The following COL11A1 variants were observed in gnomAD, a reference collection of about 807,000 sequenced individuals.
COL11A1 encodes the protein collagen type XI alpha 1 chain, also known as collagen alpha-1(XI) chain.
In COL11A1, 74 loss-of-function variants were observed where a neutral mutation model predicts 265.2. The ratio of observed to expected loss-of-function variants is 0.28; its 90% confidence interval spans 0.23 to 0.34. COL11A1 has a LOEUF of 0.34. COL11A1 is among the 10% of genes least tolerant of loss of function. COL11A1 has a pLI of 1.00. For missense variants in COL11A1, 2,165 were observed against 2,263.6 expected (o/e 0.96, Z 0.88); for synonymous variants, 816 against 727.6 (o/e 1.12, Z -1.96).
Position 102,879,680 on chromosome 1 carries a change from C to T in COL11A1, c.5274+3G>A, listed in dbSNP as rs755071989. On this transcript the variant is annotated splice_donor_region_variant and intron_variant, in intron 66 of 66. Transcript: ENST00000370096. ...AAGGGAGACAAGCAGAACTTATACT[C>T]ACCGCACAACCATCATACAGTGTTT... is the stretch of plus-strand genomic sequence containing the variant. 1 of 1,612,054 alleles carries T rather than the reference C, an allele frequency of 6.2e-7. No individual in the cohort carries two copies. The highest frequency in any genetic ancestry group is 1.1e-5 in the South Asian group (1 of 91,002).
At chr1:103,034,001 C>T (rs1165446033) in intron 4 of COL11A1, among the ~76,000 whole-genome samples, 2 of 151,982 alleles carry the variant, frequency 1.3e-5, no homozygotes, top group Non-Finnish European at 2.9e-5. Context: ...TTCCCCCTAC[C>T]CCCCAGAACT....
intron 46 of COL11A1, among the ~76,000 whole-genome samples, chr1:102,933,944 C>T (rs142857792): frequency 0.016 from 2,381 of 152,308 alleles, 74 homozygotes; most frequent in African/African-American, 0.055. Context: ...GGCCCTGCTT[C>T]GGCTCGCACA....
chr1:103,003,163 G>A, intron 21 of COL11A1, 52 bp downstream of exon 21: 1 of 1,593,436 alleles, frequency 6.3e-7, no homozygotes, highest in Non-Finnish European at 8.6e-7. Context: ...CCTCTAAAAG[G>A]TTGGCAACAA....
At position 102,958,633 on chromosome 1, in the gene COL11A1, C is replaced by T. The variant is rs561936263; in HGVS notation, c.3168+3233G>A. 1.7e-3 allele frequency among the ~76,000 whole-genome samples: 259 copies of T among 152,152 alleles called. 1 individual carries two copies. The highest frequency in any genetic ancestry group is 0.01 in the Middle Eastern group (3 of 294). ...AACTAATAAATGTGTATGGTGTCTT[C>T]CTTTTAGTGAATCCTTTTCCAACAA... On this transcript the variant is annotated intron_variant, in intron 41 of 66. Transcript: ENST00000370096.
intron 4 of COL11A1, among the ~76,000 whole-genome samples, chr1:103,049,701 T>C (rs945280689): frequency 2.0e-5 from 3 of 152,240 alleles, no homozygotes; most frequent in African/African-American, 7.2e-5. Context: ...GCCTTGATGG[T>C]CTTTACAATT....
chr1:102,946,735 A>T, intron 42 of COL11A1, 114 bp downstream of exon 42: 1 of 836,762 alleles, frequency 1.2e-6, no homozygotes, highest in Non-Finnish European at 2.0e-6. Context: ...TTTACATGCC[A>T]GACACATATG....
At chr1:102,922,976 ATGC>A (rs1656166605) in intron 47 of COL11A1, among the ~76,000 whole-genome samples, 1 of 152,200 alleles carries the variant, frequency 6.6e-6, no homozygotes, top group Non-Finnish European at 1.5e-5. Context: ...AAACAATTAT[ATGC>A]ATTTCAAATT....
At chr1:102,892,682 A>G (rs186386797) in intron 57 of COL11A1, among the ~76,000 whole-genome samples, 36 of 152,340 alleles carry the variant, frequency 2.4e-4, no homozygotes, top group Non-Finnish European at 4.9e-4. Flanking sequence ...GAGCAAGAAT[A>G]GTGTTAATAT....
At chr1:103,092,755 T>G (rs1023582572) in intron 1 of COL11A1, among the ~76,000 whole-genome samples, 1 of 152,112 alleles carries the variant, frequency 6.6e-6, no homozygotes, top group African/African-American at 2.4e-5. Flanking sequence ...TTTCATCACA[T>G]TTAGTGCGAT....
chr1:102,899,040 T>G (rs770004206), intron 54 of COL11A1, 46 bp from the exon 55 acceptor site: 2 of 1,112,464 alleles, frequency 1.8e-6, no homozygotes, highest in Non-Finnish European at 2.6e-6. Context: ...CATATAAAAG[T>G]AATGTTAATG....
intron 4 of COL11A1, among the ~76,000 whole-genome samples, chr1:103,060,360 T>C (rs934250950): frequency 2.6e-5 from 4 of 152,024 alleles, no homozygotes; most frequent in African/African-American, 9.7e-5. Flanking sequence ...AAAATAAGCT[T>C]TTCAGAAATA....
intron 1 of COL11A1, among the ~76,000 whole-genome samples, chr1:103,101,124 G>A (rs1164926397): frequency 1.3e-5 from 2 of 151,956 alleles, no homozygotes; most frequent in South Asian, 2.1e-4. Context: ...CAAAGATAGG[G>A]GAGAACACAG....
At chr1:102,942,451 A>T (rs997952979) in intron 42 of COL11A1, among the ~76,000 whole-genome samples, 8 of 152,110 alleles carry the variant, frequency 5.3e-5, no homozygotes, top group African/African-American at 1.9e-4. Flanking sequence ...CCTCAAGATG[A>T]CATAACTCTT....
intron 4 of COL11A1, among the ~76,000 whole-genome samples, chr1:103,033,788 T>A (rs147546240): frequency 2.6e-5 from 4 of 152,064 alleles, no homozygotes; most frequent in Non-Finnish European, 1.5e-5. Context: ...CTTTTAAATA[T>A]GGGAATGTCT....
intron 4 of COL11A1, among the ~76,000 whole-genome samples, chr1:103,055,531 G>A (rs1206196732): frequency 6.6e-6 from 1 of 152,094 alleles, no homozygotes; most frequent in African/African-American, 2.4e-5. Flanking sequence ...GACAGAGCAA[G>A]GAGGATTCAG....
chr1:103,099,821 G>A (rs1379835447), intron 1 of COL11A1, among the ~76,000 whole-genome samples: 1 of 151,584 alleles, frequency 6.6e-6, no homozygotes, highest in Non-Finnish European at 1.5e-5. Flanking sequence ...AAAAGCTAGA[G>A]GTAAATTGAA....
intron 62 of COL11A1, 21 bp from the exon 63 acceptor site, chr1:102,887,077 G>A (rs1651088123): frequency 2.5e-6 from 4 of 1,613,280 alleles, no homozygotes; most frequent in South Asian, 1.1e-5. Flanking sequence ...GATAATGTGA[G>A]TGCAATTGTT....
intron 45 of COL11A1, 149 bp from the exon 46 acceptor site, chr1:102,934,705 C>A: frequency 1.4e-6 from 1 of 695,416 alleles, no homozygotes; most frequent in South Asian, 1.8e-5. Flanking sequence ...TTATCTGCTC[C>A]AATATACTAT....
chr1:102,929,891 T>G, intron 46 of COL11A1, among the ~76,000 whole-genome samples: 1 of 152,336 alleles, frequency 6.6e-6, no homozygotes, highest in African/African-American at 2.4e-5. Context: ...GGCTCTCTGT[T>G]TGTCTGTTGT....
Sources: allele counts gnomAD v4.1 joint callset (sites outside exome capture counted in the v4.1 genomes callset), GRCh38; gene constraint gnomAD v4.1.1; transcripts MANE v1.5; gene names NCBI Gene and HGNC (gene_info 2026-07-23, HGNC 2026-07-21).